ANKFY1: variants seen among roughly 807,000 people sequenced by gnomAD.
The protein encoded by ANKFY1 is ankyrin repeat and FYVE domain containing 1.
A neutral mutation model predicts 128.3 loss-of-function variants in ANKFY1; 47 were observed. The ratio of observed to expected loss-of-function variants is 0.37; its 90% CI spans 0.29 to 0.47. The LOEUF is 0.47. Among genes scored for constraint, ANKFY1 ranks in the 20% least tolerant of loss-of-function variants. The pLI is 1.00. For missense variants in ANKFY1, 1,222 were observed against 1,510.6 expected (o/e 0.81, Z 3.17); for synonymous variants, 553 against 601.6 (o/e 0.92, Z 1.18).
chr17:4,235,941 G>A lies in ANKFY1; in HGVS notation c.204-51C>T, dbSNP rs756163114. ...ATTAGAAAAATGTCATCATAACTAG[G>A]TATAGCTAGGATTCACAGCTGATAA... is the stretch of plus-strand genomic sequence containing the variant. On this transcript the variant is annotated intron_variant, in intron 2 of 24. Coordinates refer to ENST00000341657, the MANE Select transcript of ANKFY1 (RefSeq NM_001330063.2). 31 of 1,318,518 alleles carry A rather than the reference G, an allele frequency of 2.4e-5. No individual in the cohort carries two copies. The Admixed American group carries it at 5.3e-4, about 22-fold the overall frequency. 81.7% of individuals were successfully genotyped at this position (1,318,518 alleles called of 1,614,324 possible).
intron 8 of ANKFY1, among the ~76,000 whole-genome samples, 172 bp from the exon 9 acceptor site, chr17:4,195,643 T>C (rs1413020917): frequency 1.3e-5 from 2 of 152,214 alleles, no homozygotes; most frequent in African/African-American, 4.8e-5. Context: ...GATCTGCTTA[T>C]ATGTGACCAT....
Position 4,240,126 on chromosome 17 carries a change from G to A in ANKFY1, c.203+2130C>T, listed in dbSNP as rs368780407. Among the ~76,000 whole-genome samples, 164 of 145,436 alleles carry A rather than the reference G, an allele frequency of 1.1e-3. 1 individual carries two copies. The highest frequency in any genetic ancestry group is 3.8e-3 in the African/African-American group (149 of 39,176). On this transcript the variant is annotated intron_variant, in intron 2 of 24. Coordinates refer to ENST00000341657, the MANE Select transcript of ANKFY1 (RefSeq NM_001330063.2). ...GTTGCCCAGGCTGCCGTGCAGTGGCGCAATCTCGGCTCACTGCAACCTCCG... is the reference window on the plus strand; with the variant it reads ...GTTGCCCAGGCTGCCGTGCAGTGGCACAATCTCGGCTCACTGCAACCTCCG...
chr17:4,224,051 A>T (rs1452071182), intron 3 of ANKFY1, among the ~76,000 whole-genome samples: 1 of 152,192 alleles, frequency 6.6e-6, no homozygotes, highest in East Asian at 1.9e-4. Context: ...TTTTTGGCCA[A>T]AATTTTTTAA....
At chr17:4,177,066 C>A in intron 19 of ANKFY1, 60 bp downstream of exon 19, 1 of 1,430,852 alleles carries the variant, frequency 7.0e-7, no homozygotes, top group African/African-American at 1.4e-5. Context: ...AGATTCTGCA[C>A]AAGCTCTACA....
rs139809648 is a variant in ANKFY1 at position 4,251,094 on chromosome 17, C to T, written c.11-8646G>A. Among the ~76,000 whole-genome samples the T allele has an allele frequency of 8.4e-4, 128 of 152,212 alleles. 1 individual carries two copies. The highest frequency in any genetic ancestry group is 2.9e-3 in the African/African-American group (120 of 41,536). Reference sequence around the variant, plus strand: ...CTGGCATCAAGATAGATATCCAGAGCAATGGAAAATAACAGAATCCAGGAA... The same window carrying T: ...CTGGCATCAAGATAGATATCCAGAGTAATGGAAAATAACAGAATCCAGGAA... On this transcript the variant is annotated intron_variant, in intron 1 of 24. Transcript: ENST00000341657.
At chr17:4,203,316 A>G (rs2143013890) in intron 7 of ANKFY1, among the ~76,000 whole-genome samples, 1 of 152,340 alleles carries the variant, frequency 6.6e-6, no homozygotes, top group African/African-American at 2.4e-5. Flanking sequence ...ACTATTGACT[A>G]TTACAATCCG....
chr17:4,222,721 G>C (rs2060347626), intron 3 of ANKFY1: 2 of 895,906 alleles, frequency 2.2e-6, no homozygotes, highest in Non-Finnish European at 3.8e-6. Context: ...TATTAGGGTA[G>C]GGTTTCTTGT....
At chr17:4,183,990 C>T in intron 12 of ANKFY1, 80 bp from the exon 13 acceptor site, 3 of 1,209,636 alleles carry the variant, frequency 2.5e-6, no homozygotes, top group Non-Finnish European at 3.7e-6. Flanking sequence ...AGTAAGAACT[C>T]AAACTGCCTG....
intron 4 of ANKFY1, among the ~76,000 whole-genome samples, chr17:4,215,215 G>A (rs1301550394): frequency 2.7e-5 from 4 of 150,870 alleles, no homozygotes; most frequent in African/African-American, 9.7e-5. Context: ...CTTGAATCGG[G>A]AGGCGGAGGT....
At chr17:4,242,724 T>C (rs1298230799) in intron 1 of ANKFY1, among the ~76,000 whole-genome samples, 1 of 152,200 alleles carries the variant, frequency 6.6e-6, no homozygotes, top group Non-Finnish European at 1.5e-5. Context: ...TGTCTCCACG[T>C]TTTTAAATAT....
chr17:4,238,791 A>G (rs1415478310), intron 2 of ANKFY1, among the ~76,000 whole-genome samples: 1 of 140,088 alleles, frequency 7.1e-6, no homozygotes, highest in African/African-American at 2.7e-5. Context: ...ACAGGGTCTC[A>G]CTCCATCCCC....
intron 7 of ANKFY1, among the ~76,000 whole-genome samples, chr17:4,197,997 T>C (rs1165886787): frequency 6.6e-6 from 1 of 152,024 alleles, no homozygotes; most frequent in Non-Finnish European, 1.5e-5. Context: ...GGCGTGGTGG[T>C]GCACGCCTGT....
chr17:4,219,536 C>T (rs1479327314), intron 3 of ANKFY1, among the ~76,000 whole-genome samples: 1 of 152,078 alleles, frequency 6.6e-6, no homozygotes, highest in African/African-American at 2.4e-5. Flanking sequence ...GGACCAGGAA[C>T]ACCTTATTAA....
chr17:4,242,353 G>C lies in ANKFY1; in HGVS notation c.106C>G (p.Leu36Val), dbSNP rs1967285317. 3.7e-6 allele frequency: 6 copies of C among 1,603,780 alleles called. No individual in the cohort carries two copies. Among genetic ancestry groups the C allele is most frequent in the Non-Finnish European group, 5.1e-6 (6 of 1,176,190 alleles). Residue 36 changes from leucine to valine, a missense_variant, in exon 2 of 25, where the codon CTC becomes GTC. Leu to Val is a conservative substitution (Grantham distance 32). Transcript: ENST00000341657. ...KLAETEKRCA[L>V]LAAQANKESS... ...TCCTTGTTTGCCTGCGCAGCCAAGA[G>C]AGCGCAGCGCTTCTCTGTCTCCGCC...
chr17:4,207,895 T>G (rs1598077253), intron 6 of ANKFY1, 38 bp downstream of exon 6: 2 of 1,517,446 alleles, frequency 1.3e-6, no homozygotes, highest in Non-Finnish European at 1.8e-6. Flanking sequence ...TGCATTAGAG[T>G]TTCGGGAAAT....
At chr17:4,234,759 T>C (rs1183766787) in intron 3 of ANKFY1, among the ~76,000 whole-genome samples, 2 of 152,174 alleles carry the variant, frequency 1.3e-5, no homozygotes, top group Non-Finnish European at 2.9e-5. Flanking sequence ...TCCTCCCACC[T>C]TGGCCTCTCA....
intron 5 of ANKFY1, 67 bp from the exon 6 acceptor site, chr17:4,208,149 A>G: frequency 6.7e-7 from 1 of 1,484,130 alleles, no homozygotes; most frequent in South Asian, 1.4e-5. Flanking sequence ...ACCATTTAGC[A>G]AGCCTCTCAA....
intron 8 of ANKFY1, among the ~76,000 whole-genome samples, chr17:4,196,029 C>A (rs1416660916): frequency 2.7e-5 from 2 of 73,318 alleles, no homozygotes; most frequent in Non-Finnish European, 5.5e-5. Flanking sequence ...ACCCACCCAC[C>A]CCCCCCACCA....
chr17:4,241,646 C>G (rs772993533), intron 2 of ANKFY1, among the ~76,000 whole-genome samples: 9 of 152,008 alleles, frequency 5.9e-5, no homozygotes, highest in Non-Finnish European at 1.3e-4. Context: ...CCAACTAGTT[C>G]CAAGACTGTT....
Sources: allele counts gnomAD v4.1 joint callset (sites outside exome capture counted in the v4.1 genomes callset), GRCh38; gene constraint gnomAD v4.1.1; transcripts MANE v1.5; gene names NCBI Gene and HGNC (gene_info 2026-07-23, HGNC 2026-07-21).